The following YTHDF2 variants were observed in gnomAD, a reference collection of about 807,000 sequenced individuals.
YTHDF2 encodes YTH domain-containing family protein 2.
A neutral mutation model predicts 50.4 loss-of-function variants in YTHDF2; 2 were observed. The ratio of observed to expected loss-of-function variants is 0.04; its 90% CI spans 0.02 to 0.12. The LOEUF is 0.12. Ranked by LOEUF, YTHDF2 falls within the 10% of genes least tolerant of loss-of-function variation. The pLI is 1.00. For missense variants in YTHDF2, 483 were observed against 722.6 expected (o/e 0.67, Z 3.80); for synonymous variants, 217 against 255.6 (o/e 0.85, Z 1.44).
intron 4 of YTHDF2, among the ~76,000 whole-genome samples, chr1:28,753,762 A>G (rs921315267): frequency 1.6e-4 from 24 of 149,026 alleles, no homozygotes; most frequent in African/African-American, 6.0e-4. Flanking sequence ...GCTGGAGTGC[A>G]ATGGCGCGAT....
In YTHDF2 at chr1:28,768,410, CTG is replaced by C. The variant is rs549448515; in HGVS notation, c.1717-516_1717-515del. ...TGTGGGTTTGTTTTTTTTTTTCTGT[CTG>C]TGGACTAAGGGCTTTCTATATGTCA... On this transcript the variant is annotated intron_variant, in intron 4 of 4. Transcript: ENST00000373812. 1.6e-3 allele frequency among the ~76,000 whole-genome samples: 241 copies of C among 150,652 alleles called. 1 individual carries two copies. Among genetic ancestry groups the C allele is most frequent in the African/African-American group, 5.6e-3 (230 of 41,120 alleles).
At chr1:28,753,054 A>AT (rs566865144) in intron 4 of YTHDF2, among the ~76,000 whole-genome samples, 2 of 151,866 alleles carry the variant, frequency 1.3e-5, no homozygotes, top group Admixed American at 6.6e-5. Context: ...AGAAAAAAAA[A>AT]TTTTTTTGAG....
intron 4 of YTHDF2, among the ~76,000 whole-genome samples, chr1:28,750,397 A>G (rs569130072): frequency 5.9e-5 from 9 of 152,334 alleles, no homozygotes; most frequent in African/African-American, 2.2e-4. Context: ...CTAAAAACGA[A>G]GTTCTTAGTC....
At chr1:28,762,019 T>C (rs1343544265) in intron 4 of YTHDF2, among the ~76,000 whole-genome samples, 1 of 152,166 alleles carries the variant, frequency 6.6e-6, no homozygotes, top group Non-Finnish European at 1.5e-5. Context: ...ATTCACGGCA[T>C]TGGAGACTAT....
chr1:28,744,844 G>GT (rs1281500672), intron 4 of YTHDF2, among the ~76,000 whole-genome samples: 5 of 151,902 alleles, frequency 3.3e-5, no homozygotes, highest in South Asian at 4.2e-4. Context: ...AGTTTTTCAT[G>GT]TTTTTTGTAG....
chr1:28,737,168 C>T, intron 1 of YTHDF2, 21 bp downstream of exon 1: 2 of 1,575,764 alleles, frequency 1.3e-6, no homozygotes, highest in Non-Finnish European at 8.6e-7. Context: ...GGCCCGCATG[C>T]CTCGGCCATT....
chr1:28,767,503 T>C (rs1027549002), intron 4 of YTHDF2, among the ~76,000 whole-genome samples: 1 of 151,568 alleles, frequency 6.6e-6, no homozygotes, highest in Admixed American at 6.6e-5. Context: ...ATTTTTATTT[T>C]ATTTATTTAT....
intron 4 of YTHDF2, among the ~76,000 whole-genome samples, chr1:28,745,878 AAAAAG>A (rs1466687097): frequency 8.1e-6 from 1 of 124,048 alleles, no homozygotes; most frequent in Non-Finnish European, 1.8e-5. Context: ...CATCTCTCTA[AAAAAG>A]AAAAAATTAG....
intron 4 of YTHDF2, among the ~76,000 whole-genome samples, chr1:28,750,750 T>C (rs921244276): frequency 1.3e-5 from 2 of 152,006 alleles, no homozygotes; most frequent in African/African-American, 4.8e-5. Flanking sequence ...ATTTACTATA[T>C]ATATATATTA....
chr1:28,761,124 TGTGTG>T (rs1407466132), intron 4 of YTHDF2, among the ~76,000 whole-genome samples: 32 of 118,222 alleles, frequency 2.7e-4, no homozygotes, highest in African/African-American at 8.8e-4. Context: ...TGTGTGTGTG[TGTGTG>T]TATTTTTTTT....
intron 4 of YTHDF2, among the ~76,000 whole-genome samples, chr1:28,753,769 C>T (rs932673725): frequency 6.7e-6 from 1 of 149,914 alleles, no homozygotes; most frequent in Non-Finnish European, 1.5e-5. Flanking sequence ...TGCAATGGCG[C>T]GATCTTGGCT....
rs138548434 is a variant in YTHDF2, at chr1:28,743,452, C to A, written c.1182C>A (p.Ser394=). The part of the protein sequence containing the change: ...EPHPVLEKLR[S]INNYNPKDFD... ...ACCCAGTGTTGGAGAAGCTTCGGTC[C>A]ATTAATAACTATAACCCCAAAGATT... Residue 394 remains serine (S), a synonymous_variant, in exon 4 of 5, where the codon TCC becomes TCA. Transcript: ENST00000373812. The surrounding 1 kb of genome is among the most constrained non-coding windows in gnomAD (Gnocchi z 6.9). The A allele has an allele frequency of 1.9e-5, 30 of 1,614,154 alleles. No individual in the cohort carries two copies. The highest frequency in any genetic ancestry group is 2.5e-5 in the Non-Finnish European group (29 of 1,180,042).
intron 4 of YTHDF2, among the ~76,000 whole-genome samples, chr1:28,749,061 A>G (rs1296680611): frequency 2.6e-5 from 4 of 151,914 alleles, no homozygotes; most frequent in African/African-American, 9.7e-5. Flanking sequence ...GGTCTTGGCT[A>G]ATTTCTGTAT....
chr1:28,741,187 G>T (rs1283004434), intron 3 of YTHDF2, among the ~76,000 whole-genome samples: 1 of 151,634 alleles, frequency 6.6e-6, no homozygotes, highest in Admixed American at 6.6e-5. Flanking sequence ...TAGTAGAGAC[G>T]GGCTTTCACC....
intron 3 of YTHDF2, among the ~76,000 whole-genome samples, chr1:28,739,812 T>C (rs2087750008): frequency 6.6e-6 from 1 of 152,236 alleles, no homozygotes; most frequent in South Asian, 2.1e-4. Context: ...ATGTAGAAAC[T>C]TGTTTGATTC....
intron 4 of YTHDF2, among the ~76,000 whole-genome samples, chr1:28,745,580 C>T (rs542396571): frequency 1.3e-5 from 2 of 152,138 alleles, no homozygotes; most frequent in Admixed American, 6.6e-5. Flanking sequence ...ACAAAATTAG[C>T]CGGGTGTGGT....
At chr1:28,754,143 C>A (rs915549851) in intron 4 of YTHDF2, among the ~76,000 whole-genome samples, 1 of 152,208 alleles carries the variant, frequency 6.6e-6, no homozygotes, top group Non-Finnish European at 1.5e-5. Context: ...TAGGTACTTT[C>A]ATAGCCTTAC....
At position 28,743,486 on chromosome 1, in the gene YTHDF2, A is replaced by G; in HGVS notation, c.1216A>G (p.Asn406Asp). The change falls in exon 4 of 5, where the codon AAT becomes GAT. Residue 406 changes from asparagine to aspartate, a missense_variant. By Grantham distance (23) the Asn-to-Asp change is conservative. Around this residue, in one of 4 missense-constraint regions of YTHDF2, gnomAD observed 59 missense variants for 168.9 expected, o/e 0.35. Coordinates refer to ENST00000373812, the MANE Select transcript of YTHDF2 (RefSeq NM_016258.3). The surrounding 1 kb of genome is among the most constrained non-coding windows in gnomAD (Gnocchi z 6.9). ...NNYNPKDFDW[N>D]LKHGRVFIIK... ...CTATAACCCCAAAGATTTTGACTGGAATCTGAAACATGGCCGGGTTTTCAT... is the reference window on the plus strand; with the variant it reads ...CTATAACCCCAAAGATTTTGACTGGGATCTGAAACATGGCCGGGTTTTCAT... 6.2e-7 allele frequency: 1 copy of G among 1,614,170 alleles called. No individual in the cohort carries two copies. Among genetic ancestry groups the G allele is most frequent in the Non-Finnish European group, 8.5e-7 (1 of 1,180,038 alleles).
intron 4 of YTHDF2, among the ~76,000 whole-genome samples, chr1:28,748,767 G>A (rs1020155700): frequency 1.5e-4 from 23 of 152,234 alleles, no homozygotes; most frequent in Admixed American, 5.9e-4. Flanking sequence ...ACCTTTCTGC[G>A]TTTATTTAGA....
Sources: gnomAD v4.1 joint callset for allele counts (sites outside exome capture counted in the v4.1 genomes callset) on GRCh38, gnomAD v4.1.1 for gene constraint, gnomAD v4.1.1 regional missense constraint, Gnocchi (gnomAD v3.1) non-coding constraint, MANE v1.5 for transcripts, NCBI Gene and HGNC (gene_info 2026-07-23, HGNC 2026-07-21) for gene names.